FARP1: variants seen among roughly 807,000 people sequenced by gnomAD.
The protein encoded by FARP1 is FERM, ARHGEF and pleckstrin domain-containing protein 1.
A neutral mutation model predicts 128.8 loss-of-function variants in FARP1; 52 were observed. That is an observed-to-expected ratio of 0.40 (90% CI 0.32 to 0.51). FARP1 has a LOEUF of 0.51. Ranked by LOEUF, FARP1 falls within the 20% of genes least tolerant of loss-of-function variation. The pLI, the probability that FARP1 is intolerant of heterozygous loss-of-function variation, is 0.45. For missense variants in FARP1, 1,333 were observed against 1,367.9 expected (o/e 0.97, Z 0.40); for synonymous variants, 580 against 551.8 (o/e 1.05, Z -0.72).
rs369824754 is a variant in FARP1 at position 98,439,945 on chromosome 13, C to T, written c.2434-16C>T. On this transcript the variant is annotated splice_polypyrimidine_tract_variant and intron_variant, in intron 21 of 26. Transcript: ENST00000319562. ...ATCACGTGCCTCATGGTGACGTTATCTTCTCTTGCCCACAGATTGAGGAGA... is the reference window on the plus strand; with the variant it reads ...ATCACGTGCCTCATGGTGACGTTATTTTCTCTTGCCCACAGATTGAGGAGA... 2.6e-5 allele frequency: 40 copies of T among 1,534,482 alleles called. No homozygotes were observed. The Admixed American group carries it at 7.6e-4, about 29-fold the overall frequency.
At chr13:98,268,727 CA>C (rs2139571343) in intron 2 of FARP1, among the ~76,000 whole-genome samples, 1 of 151,540 alleles carries the variant, frequency 6.6e-6, no homozygotes, top group East Asian at 1.9e-4. Flanking sequence ...CTTGGCTTGC[CA>C]AAGTGCTGGG....
intron 2 of FARP1, among the ~76,000 whole-genome samples, chr13:98,305,431 T>G (rs1455683756): frequency 6.6e-6 from 1 of 152,086 alleles, no homozygotes; most frequent in Non-Finnish European, 1.5e-5. Flanking sequence ...CCTCCTGGGT[T>G]CAAGCGATTC....
intron 3 of FARP1, among the ~76,000 whole-genome samples, chr13:98,355,861 T>C (rs1484338418): frequency 6.6e-6 from 1 of 152,224 alleles, no homozygotes; most frequent in Non-Finnish European, 1.5e-5. Flanking sequence ...TGGTTTCTTC[T>C]TTATTTAAAA....
chr13:98,218,731 T>A (rs1166115686), intron 2 of FARP1, among the ~76,000 whole-genome samples: 1 of 152,162 alleles, frequency 6.6e-6, no homozygotes, highest in East Asian at 1.9e-4. Flanking sequence ...GTGGGGTGGC[T>A]GTTTTCATAA....
At chr13:98,354,053 G>T (rs1187451787) in intron 3 of FARP1, among the ~76,000 whole-genome samples, 1 of 152,202 alleles carries the variant, frequency 6.6e-6, no homozygotes, top group African/African-American at 2.4e-5. Context: ...AGATATTAAA[G>T]CTTCCCTCCA....
intron 3 of FARP1, among the ~76,000 whole-genome samples, chr13:98,352,978 C>A (rs5028836): frequency 6.6e-6 from 1 of 151,956 alleles, no homozygotes; most frequent in South Asian, 2.1e-4. Context: ...TTCACCACAT[C>A]GTGCATCTTT....
At chr13:98,341,460 C>T (rs1594422643) in intron 2 of FARP1, among the ~76,000 whole-genome samples, 2 of 152,038 alleles carry the variant, frequency 1.3e-5, no homozygotes, top group African/African-American at 2.4e-5. Flanking sequence ...GGTGAAACCC[C>T]GTCTCTACTA....
At chr13:98,191,809 G>A (rs1294849360) in intron 1 of FARP1, among the ~76,000 whole-genome samples, 1 of 152,164 alleles carries the variant, frequency 6.6e-6, no homozygotes, top group Non-Finnish European at 1.5e-5. Flanking sequence ...TGGGTGTGGT[G>A]GCGCATGCCT....
At chr13:98,296,005 A>G (rs1315888307) in intron 2 of FARP1, among the ~76,000 whole-genome samples, 1 of 152,194 alleles carries the variant, frequency 6.6e-6, no homozygotes, top group Non-Finnish European at 1.5e-5. Context: ...GTCCAGGCCA[A>G]CTGCACATTA....
intron 13 of FARP1, chr13:98,396,956 G>C (rs1429649830): frequency 6.5e-6 from 1 of 152,908 alleles, no homozygotes; most frequent in Non-Finnish European, 1.5e-5. Context: ...GGGCTGCTTT[G>C]TCCATGCCTC....
rs1203852553 is a variant in FARP1 at position 98,431,618 on chromosome 13, C to T, written c.2143+338C>T. 1.0e-4 allele frequency: 18 copies of T among 178,336 alleles called. 1 individual carries two copies. The highest frequency in any genetic ancestry group is 8.7e-4 in the South Asian group (6 of 6,914). 11.0% of individuals were successfully genotyped at this position (178,336 alleles called of 1,614,324 possible). ...CTAGGATTACAGGCGCCCGCCACCA[C>T]GCCCGGCTAATTTTTGTATTTTTAG... On this transcript the variant is annotated intron_variant, in intron 18 of 26. Coordinates refer to ENST00000319562, the MANE Select transcript of FARP1 (RefSeq NM_005766.4).
chr13:98,354,944 A>G (rs1888580622), intron 3 of FARP1, among the ~76,000 whole-genome samples: 1 of 152,252 alleles, frequency 6.6e-6, no homozygotes, highest in Admixed American at 6.5e-5. Flanking sequence ...TCCAAAGAGT[A>G]GCAAAGAAAG....
Position 98,313,177 on chromosome 13 carries a change from ACT to A in FARP1, c.172-30582_172-30581del, listed in dbSNP as rs575562206. On this transcript the variant is annotated intron_variant, in intron 2 of 26. Coordinates refer to ENST00000319562, the MANE Select transcript of FARP1 (RefSeq NM_005766.4). ...CGGGTGGGTCATAATACACACATAC[ACT>A]CTGGAATCGGGTGGGTCATAATACA... is the stretch of plus-strand genomic sequence containing the variant. Among the ~76,000 whole-genome samples, 964 of 142,790 alleles carry A rather than the reference ACT, an allele frequency of 6.8e-3. 10 individuals are homozygous for A. The highest frequency in any genetic ancestry group is 0.01 in the Non-Finnish European group (692 of 66,190). 93.7% of individuals were successfully genotyped at this position (142,790 alleles called of 152,430 possible). A position where few individuals can be genotyped will look rare whatever the true frequency, so the allele number is the denominator to read the frequency against.
intron 1 of FARP1, among the ~76,000 whole-genome samples, chr13:98,179,213 C>CAA (rs56197828): frequency 0.38 from 57,675 of 151,978 alleles, 12,101 homozygotes; most frequent in East Asian, 0.83. Flanking sequence ...TGGCAGCAGA[C>CAA]GAGAACAGAA....
At position 98,232,139 on chromosome 13, in the gene FARP1, TGGTTG is replaced by T. The variant is rs376311229; in HGVS notation, c.171+18728_171+18732del. ...GCCACCGTGCCCGGCTTTTTTTGTT[TGGTTG>T]GTTTTTTTTTTTTTTTTTTTTTGCT... On this transcript the variant is annotated intron_variant, in intron 2 of 26. Coordinates refer to ENST00000319562, the MANE Select transcript of FARP1 (RefSeq NM_005766.4). Among the ~76,000 whole-genome samples the T allele has an allele frequency of 2.5e-4, 31 of 126,028 alleles. 2 individuals carry two copies. The highest frequency in any genetic ancestry group is 1.1e-3 in the African/African-American group (28 of 25,928). The allele number at this position is 126,028 out of a possible 152,430, so 82.7% of individuals were successfully genotyped here.
chr13:98,242,019 C>A (rs925957700), intron 2 of FARP1, among the ~76,000 whole-genome samples: 2 of 152,078 alleles, frequency 1.3e-5, no homozygotes, highest in Non-Finnish European at 2.9e-5. Context: ...CCGGGAGGAT[C>A]GCTTGAGCCT....
Position 98,431,172 on chromosome 13 carries a change from A to G in FARP1, c.2035A>G (p.Asn679Asp). ...ELQKVCYLPL[N>D]TFLLRPLHRL... ...GCAGAAGGTGTGTTACCTACCGCTC[A>G]ACACCTTCCTCCTGCGGCCACTGCA... Residue 679 changes from asparagine (N) to aspartate (D), a missense_variant, in exon 18 of 27, where the codon AAC (asparagine) becomes GAC (aspartate). Coordinates refer to ENST00000319562, the MANE Select transcript of FARP1 (RefSeq NM_005766.4). 6.2e-7 allele frequency: 1 copy of G among 1,613,930 alleles called. No homozygotes were observed. Among genetic ancestry groups the G allele is most frequent in the Non-Finnish European group, 8.5e-7 (1 of 1,179,916 alleles).
chr13:98,176,820 C>T lies in FARP1; in HGVS notation c.-24+33328C>T. ...GGTAGATGTGGTCGTGCTCCCGACC[C>T]CGCAGTGCCTCCTGGACCCGCTGGC... On this transcript the variant is annotated intron_variant, in intron 1 of 26. Coordinates refer to ENST00000319562, the MANE Select transcript of FARP1 (RefSeq NM_005766.4). The surrounding 1 kb of genome is among the most constrained non-coding windows in gnomAD (Gnocchi z 6.2). 1 of 1,612,728 alleles carries T rather than the reference C, an allele frequency of 6.2e-7. No individual in the cohort carries two copies. The highest frequency in any genetic ancestry group is 8.5e-7 in the Non-Finnish European group (1 of 1,179,990).
In FARP1 at chr13:98,395,399, C is replaced by T. The variant is rs1459276741; in HGVS notation, c.1337C>T (p.Ala446Val). The T allele has an allele frequency of 5.0e-6, 8 of 1,611,326 alleles. No homozygotes were observed. Among genetic ancestry groups the T allele is most frequent in the South Asian group, 2.2e-5 (2 of 91,008 alleles). Residue 446 changes from alanine to valine, a missense_variant, in exon 13 of 27, where the codon GCG becomes GTG. By Grantham distance (64) the Ala-to-Val change is moderately conservative. Coordinates refer to ENST00000319562, the MANE Select transcript of FARP1 (RefSeq NM_005766.4). ...GNKQADGAASAPTEEEEEVVK... is the reference protein window; with the variant it reads ...GNKQADGAASVPTEEEEEVVK... The stretch of plus-strand genomic sequence containing the variant: ...AAGCAGGCGGACGGAGCCGCCTCGG[C>T]GCCCACGGAGGAAGAGGAGGAGGTC...
Sources: gnomAD v4.1 joint callset for allele counts (sites outside exome capture counted in the v4.1 genomes callset) on GRCh38, gnomAD v4.1.1 for gene constraint, Gnocchi (gnomAD v3.1) non-coding constraint, MANE v1.5 for transcripts, NCBI Gene and HGNC (gene_info 2026-07-23, HGNC 2026-07-21) for gene names.